Variants in OR10A6 observed in about 807,000 individuals in gnomAD.
OR10A6 encodes olfactory receptor family 10 subfamily A member 6 (gene/pseudogene).
Under a neutral mutation model 1.5 loss-of-function variants are expected in OR10A6, and 2 were observed. That is an observed-to-expected ratio of 1.31 (90% CI 0.54 to 4.13). The LOEUF (loss-of-function observed/expected upper bound fraction) is 4.13. Among genes scored for constraint, OR10A6 ranks in the 30% most tolerant of loss-of-function variants. The probability of loss-of-function intolerance (pLI) is 0.07; values close to 1 mark genes in which losing one functional copy is unlikely to be tolerated. For missense variants in OR10A6, 492 were observed against 368.6 expected (o/e 1.33, Z -2.74); for synonymous variants, 169 against 137.3 (o/e 1.23, Z -1.61).
In OR10A6 at chr11:7,928,138, G is replaced by A; in HGVS notation, c.525C>T (p.Asn175=). 6.2e-7 allele frequency: 1 copy of A among 1,613,848 alleles called. No individual in the cohort carries two copies. The highest frequency in any genetic ancestry group is 2.2e-5 in the East Asian group (1 of 44,874). The part of the protein sequence containing the change: ...SFPFCGLNEI[N]HISCETPAVL... ...CTGCTGGGGTTTCACAAGATATATG[G>A]TTAATTTCATTAAGGCCACAAAAGG... Residue 175 remains asparagine, a synonymous_variant, in exon 4 of 4, where the codon AAC becomes AAT. Coordinates refer to ENST00000641238, the MANE Select transcript of OR10A6 (RefSeq NM_001004461.2).
chr11:7,927,448 A>G lies in OR10A6; in HGVS notation c.*270T>C, dbSNP rs931259186. The stretch of plus-strand genomic sequence containing the variant: ...AAAACTGGTTGTTTTAGTATTATCT[A>G]TTGTGACAAAAAAATAACCATCAGT... On this transcript the variant is annotated 3_prime_UTR_variant, in exon 4 of 4. Transcript: ENST00000641238. 11 of 349,626 alleles carry G rather than the reference A, an allele frequency of 3.1e-5. No homozygotes were observed. Among genetic ancestry groups the G allele is most frequent in the Non-Finnish European group, 5.1e-5 (10 of 195,158 alleles). The allele number at this position is 349,626 out of a possible 1,614,324, so 21.7% of individuals were successfully genotyped here.
intron 3 of OR10A6, 72 bp from the exon 4 acceptor site, chr11:7,930,587 A>G (rs1458510719): frequency 6.6e-6 from 1 of 152,158 alleles, no homozygotes; most frequent in African/African-American, 2.4e-5. Flanking sequence ...ATGTATTAAA[A>G]TCAAATGACT....
chr11:7,929,964 A>G lies in OR10A6; in HGVS notation c.-1302T>C, dbSNP rs866049352. 1.8e-4 allele frequency: 9 copies of G among 49,142 alleles called. No homozygotes were observed. Among genetic ancestry groups the G allele is most frequent in the African/African-American group, 7.6e-4 (8 of 10,594 alleles). 3.0% of individuals were successfully genotyped at this position (49,142 alleles called of 1,614,324 possible). ...GCTCTAGTAAGGTATGTGTATGTGT[A>G]TGTATATATATATATATATATATAT... On this transcript the variant is annotated 5_prime_UTR_variant, in exon 4 of 4. Coordinates refer to ENST00000641238, the MANE Select transcript of OR10A6 (RefSeq NM_001004461.2).
At chr11:7,930,537 G>C (rs1266159277) in intron 3 of OR10A6, 22 bp from the exon 4 acceptor site, 1 of 152,104 alleles carries the variant, frequency 6.6e-6, no homozygotes, top group Non-Finnish European at 1.5e-5. Flanking sequence ...TAGCAGACAG[G>C]AGAAGACAAG....
chr11:7,926,504 A>G lies in OR10A6; in HGVS notation c.*1214T>C, dbSNP rs530724916. 5 of 152,202 alleles carry G rather than the reference A, an allele frequency of 3.3e-5. No homozygotes were observed. Among genetic ancestry groups the G allele is most frequent in the Non-Finnish European group, 5.9e-5 (4 of 68,040 alleles). The allele number at this position is 152,202 out of a possible 1,614,324, so 9.4% of individuals were successfully genotyped here. ...ATTTCTCTCTTTTTTTGAAATTCAA[A>G]TAGATTTGCAACTTCACCTTTATTT... On this transcript the variant is annotated 3_prime_UTR_variant, in exon 4 of 4. Coordinates refer to ENST00000641238, the MANE Select transcript of OR10A6 (RefSeq NM_001004461.2).
chr11:7,930,013 T>C lies in OR10A6; in HGVS notation c.-1351A>G, dbSNP rs1419556370. ...ATATATAAAATCCCTCACTAGAGCT[T>C]AGCTCCCAGAGGGCAAAGATTTTGT... On this transcript the variant is annotated 5_prime_UTR_variant, in exon 4 of 4. Transcript: ENST00000641238. 6.2e-5 allele frequency: 7 copies of C among 112,912 alleles called. 1 individual carries two copies. Among genetic ancestry groups the C allele is most frequent in the African/African-American group, 2.5e-4 (7 of 28,330 alleles). 7.0% of individuals were successfully genotyped at this position (112,912 alleles called of 1,614,324 possible).
At position 7,925,347 on chromosome 11, in the gene OR10A6, C is replaced by T. The variant is rs565950291; in HGVS notation, c.*2371G>A. ...CCCAGCACATACTTGGATTCACACA[C>T]GCATATACACACACACATACAAATT... On this transcript the variant is annotated 3_prime_UTR_variant, in exon 4 of 4. Coordinates refer to ENST00000641238, the MANE Select transcript of OR10A6 (RefSeq NM_001004461.2). 7 of 152,158 alleles carry T rather than the reference C, an allele frequency of 4.6e-5. No homozygotes were observed. The highest frequency in any genetic ancestry group is 2.1e-4 in the South Asian group (1 of 4,834). 9.4% of individuals were successfully genotyped at this position (152,158 alleles called of 1,614,324 possible). A position where few individuals can be genotyped will look rare whatever the true frequency, so the allele number is the denominator to read the frequency against.
chr11:7,930,405 T>G lies in OR10A6; in HGVS notation c.-1743A>C, dbSNP rs1859513910. On this transcript the variant is annotated 5_prime_UTR_variant, in exon 4 of 4. Coordinates refer to ENST00000641238, the MANE Select transcript of OR10A6 (RefSeq NM_001004461.2). Reference sequence around the variant, plus strand: ...AAACTAGAATGGAAGCCTACTGCCTTTTGTGTGATGTTTTGAAAACCAAAA... The same window carrying G: ...AAACTAGAATGGAAGCCTACTGCCTGTTGTGTGATGTTTTGAAAACCAAAA... 6.6e-6 allele frequency: 1 copy of G among 152,022 alleles called. No homozygotes were observed. The highest frequency in any genetic ancestry group is 6.6e-5 in the Admixed American group (1 of 15,248). The allele number at this position is 152,022 out of a possible 1,614,324, so 9.4% of individuals were successfully genotyped here.
rs1201848101 is a variant in OR10A6, at chr11:7,929,960, G to GTATA, written c.-1299_-1298insTATA. The GTATA allele has an allele frequency of 6.3e-4, 12 of 19,110 alleles. No individual in the cohort carries two copies. The highest frequency in any genetic ancestry group is 5.3e-3 in the South Asian group (2 of 380). The allele number at this position is 19,110 out of a possible 1,614,324, so 1.2% of individuals were successfully genotyped here. The stretch of plus-strand genomic sequence containing the variant: ...ATAAGCTCTAGTAAGGTATGTGTAT[G>GTATA]TGTATGTATATATATATATATATAT... On this transcript the variant is annotated 5_prime_UTR_variant, in exon 4 of 4. Transcript: ENST00000641238.
Position 7,929,087 on chromosome 11 carries a change from TATCTC to T in OR10A6, c.-430_-426del, listed in dbSNP as rs540532654. ...AAAAAAGCAGATAGATTGAAAAAGA[TATCTC>T]AACAAATGTGATAATAGCCTAATAA... is the stretch of plus-strand genomic sequence containing the variant. On this transcript the variant is annotated 5_prime_UTR_variant, in exon 4 of 4. Coordinates refer to ENST00000641238, the MANE Select transcript of OR10A6 (RefSeq NM_001004461.2). 7.1e-4 allele frequency: 112 copies of T among 156,698 alleles called. 2 individuals carry two copies. In the Middle Eastern group the frequency reaches 0.035, roughly 49 times the overall value. The allele number at this position is 156,698 out of a possible 1,614,324, so 9.7% of individuals were successfully genotyped here. A position where few individuals can be genotyped will look rare whatever the true frequency, so the allele number is the denominator to read the frequency against.
rs1480977554 is a variant in OR10A6 at position 7,925,438 on chromosome 11, T to G, written c.*2280A>C. 1 of 152,188 alleles carries G rather than the reference T, an allele frequency of 6.6e-6. No homozygotes were observed. Among genetic ancestry groups the G allele is most frequent in the East Asian group, 1.9e-4 (1 of 5,198 alleles). 9.4% of individuals were successfully genotyped at this position (152,188 alleles called of 1,614,324 possible). ...ACATCTTGCCAATCCAGGCTTTATTTATCACAAAGGCAATGAAAGAGGAAA... is the reference window on the plus strand; with the variant it reads ...ACATCTTGCCAATCCAGGCTTTATTGATCACAAAGGCAATGAAAGAGGAAA... On this transcript the variant is annotated 3_prime_UTR_variant, in exon 4 of 4. Coordinates refer to ENST00000641238, the MANE Select transcript of OR10A6 (RefSeq NM_001004461.2).
rs1173866793 is a variant in OR10A6, at chr11:7,926,515, A to G, written c.*1203T>C. 6.6e-6 allele frequency: 1 copy of G among 152,108 alleles called. No individual in the cohort carries two copies. The highest frequency in any genetic ancestry group is 1.5e-5 in the Non-Finnish European group (1 of 68,012). 9.4% of individuals were successfully genotyped at this position (152,108 alleles called of 1,614,324 possible). The stretch of plus-strand genomic sequence containing the variant: ...TTTTTGAAATTCAAATAGATTTGCA[A>G]CTTCACCTTTATTTTTGGCAGAAGG... On this transcript the variant is annotated 3_prime_UTR_variant, in exon 4 of 4. Transcript: ENST00000641238.
rs55811645 is a variant in OR10A6, at chr11:7,929,755, T to TATATATATATATATACAC, written c.-1094_-1093insGTGTATATATATATATAT. 142 of 97,072 alleles carry TATATATATATATATACAC rather than the reference T, an allele frequency of 1.5e-3. 1 individual carries two copies. Among genetic ancestry groups the TATATATATATATATACAC allele is most frequent in the Non-Finnish European group, 2.3e-3 (103 of 44,824 alleles). The allele number at this position is 97,072 out of a possible 1,614,324, so 6.0% of individuals were successfully genotyped here. A position where few individuals can be genotyped will look rare whatever the true frequency, so the allele number is the denominator to read the frequency against. On this transcript the variant is annotated 5_prime_UTR_variant, in exon 4 of 4. Coordinates refer to ENST00000641238, the MANE Select transcript of OR10A6 (RefSeq NM_001004461.2). ...ATATATATATATATATATATATATA[T>TATATATATATATATACAC]ACACACACATGCACACATATATATA...
Position 7,929,995 on chromosome 11 carries a change from A to ATATGTATATATATATATATATAT in OR10A6, c.-1334_-1333insATATATATATATATATATACATA, listed in dbSNP as rs57836826. The ATATGTATATATATATATATATAT allele has an allele frequency of 1.6e-4, 10 of 63,168 alleles. No individual in the cohort carries two copies. The Admixed American group carries it at 1.8e-3, about 11-fold the overall frequency. 3.9% of individuals were successfully genotyped at this position (63,168 alleles called of 1,614,324 possible). On this transcript the variant is annotated 5_prime_UTR_variant, in exon 4 of 4. Coordinates refer to ENST00000641238, the MANE Select transcript of OR10A6 (RefSeq NM_001004461.2). ...ATATATATATATATATATATATATA[A>ATATGTATATATATATATATATAT]AATCCCTCACTAGAGCTTAGCTCCC...
Position 7,929,755 on chromosome 11 carries a change from T to TATATATAC in OR10A6, c.-1094_-1093insGTATATAT, listed in dbSNP as rs55811645. ...ATATATATATATATATATATATATA[T>TATATATAC]ACACACACATGCACACATATATATA... is the stretch of plus-strand genomic sequence containing the variant. On this transcript the variant is annotated 5_prime_UTR_variant, in exon 4 of 4. The change abolishes the stop of an existing upstream ORF in the 5' untranslated region. Transcript: ENST00000641238. 4.4e-3 allele frequency: 428 copies of TATATATAC among 97,152 alleles called. 21 individuals are homozygous for TATATATAC. The highest frequency in any genetic ancestry group is 6.3e-3 in the Admixed American group (54 of 8,552). The allele number at this position is 97,152 out of a possible 1,614,324, so 6.0% of individuals were successfully genotyped here.
rs1258171117 is a variant in OR10A6 at position 7,928,426 on chromosome 11, A to G, written c.237T>C (p.Pro79=). 1 of 1,613,784 alleles carries G rather than the reference A, an allele frequency of 6.2e-7. No homozygotes were observed. The highest frequency in any genetic ancestry group is 1.3e-5 in the African/African-American group (1 of 74,924). Residue 79 remains proline, a synonymous_variant, in exon 4 of 4, where the codon CCT becomes CCC. Coordinates refer to ENST00000641238, the MANE Select transcript of OR10A6 (RefSeq NM_001004461.2). ...VDLSFSAVIM[P]EMLVVLSTEK... ...CAGTAGAGAGGACCACCAGCATTTCAGGCATAATAACTGCACTGAAACTCA... is the reference window on the plus strand; with the variant it reads ...CAGTAGAGAGGACCACCAGCATTTCGGGCATAATAACTGCACTGAAACTCA...
Position 7,928,154 on chromosome 11 carries a change from C to T in OR10A6, c.509G>A (p.Gly170Asp), listed in dbSNP as rs1589978828. Residue 170 changes from glycine (G) to aspartate (D), a missense_variant, in exon 4 of 4, where the codon GGC becomes GAC. Gly to Asp is a moderately conservative substitution (Grantham distance 94). Coordinates refer to ENST00000641238, the MANE Select transcript of OR10A6 (RefSeq NM_001004461.2). Reference protein sequence around the residue: ...TSWVSSFPFCGLNEINHISCE... With the variant: ...TSWVSSFPFCDLNEINHISCE... ...AGATATATGGTTAATTTCATTAAGG[C>T]CACAAAAGGGAAAACTAGATACCCA... The T allele has an allele frequency of 1.2e-6, 2 of 1,613,640 alleles. No individual in the cohort carries two copies. Among genetic ancestry groups the T allele is most frequent in the Non-Finnish European group, 8.5e-7 (1 of 1,179,890 alleles).
At chr11:7,930,945 CA>C (rs1859522176) in intron 2 of OR10A6, 41 bp downstream of exon 2, 1 of 152,172 alleles carries the variant, frequency 6.6e-6, no homozygotes, top group Admixed American at 6.6e-5. Context: ...CTTCTAGTTG[CA>C]AACTCCAGAA....
rs958413128 is a variant in OR10A6 at position 7,926,460 on chromosome 11, C to T, written c.*1258G>A. The T allele has an allele frequency of 2.0e-5, 3 of 152,204 alleles. No homozygotes were observed. The highest frequency in any genetic ancestry group is 2.9e-5 in the Non-Finnish European group (2 of 68,038). 9.4% of individuals were successfully genotyped at this position (152,204 alleles called of 1,614,324 possible). A position where few individuals can be genotyped will look rare whatever the true frequency, so the allele number is the denominator to read the frequency against. ...GTCCTGCATCATTACCCACAAGGTT[C>T]CAGCCTTCTTCTCATGAAATTTCTC... On this transcript the variant is annotated 3_prime_UTR_variant, in exon 4 of 4. Coordinates refer to ENST00000641238, the MANE Select transcript of OR10A6 (RefSeq NM_001004461.2).
Sources: allele counts gnomAD v4.1 joint callset, GRCh38; gene constraint gnomAD v4.1.1; transcripts MANE v1.5; gene names NCBI Gene and HGNC (gene_info 2026-07-23, HGNC 2026-07-21).